Variants in PDXDC1 observed in about 807,000 individuals in gnomAD.
PDXDC1 encodes pyridoxal-dependent decarboxylase domain-containing protein 1.
A neutral mutation model predicts 100.1 loss-of-function variants in PDXDC1; 42 were observed. The observed-to-expected ratio is 0.42, with a 90% CI of 0.33 to 0.54. The LOEUF (loss-of-function observed/expected upper bound fraction) is 0.54. Ranked by LOEUF, PDXDC1 falls within the 20% of genes least tolerant of loss-of-function variation. The pLI, the probability that PDXDC1 is intolerant of heterozygous loss-of-function variation, is 0.10. For missense variants in PDXDC1, 636 were observed against 979.2 expected (o/e 0.65, Z 4.68); for synonymous variants, 260 against 371.7 (o/e 0.70, Z 3.46).
At chr16:15,104,553 T>C (rs2046711573) in intron 16 of PDXDC1, 8 of 1,596,714 alleles carry the variant, frequency 5.0e-6, no homozygotes, top group Non-Finnish European at 6.8e-6. Context: ...CGGAGGTGTC[T>C]TGAGATTATC....
intron 8 of PDXDC1, among the ~76,000 whole-genome samples, chr16:15,012,558 A>G (rs1466575047): frequency 6.6e-6 from 1 of 152,292 alleles, no homozygotes; most frequent in African/African-American, 2.4e-5. Flanking sequence ...TGTCTGTTAG[A>G]ATGGAGAAAT....
chr16:15,100,754 GA>G (rs1567244144), intron 16 of PDXDC1, among the ~76,000 whole-genome samples: 1 of 152,194 alleles, frequency 6.6e-6, no homozygotes. Flanking sequence ...TGAGGCAGGA[GA>G]ATTGCTTGAG....
At chr16:15,007,055 G>C (rs1420094127) in intron 6 of PDXDC1, among the ~76,000 whole-genome samples, 3 of 151,996 alleles carry the variant, frequency 2.0e-5, no homozygotes, top group Admixed American at 6.6e-5. Flanking sequence ...GTGCTGTTAA[G>C]GACTTCTCTG....
At chr16:14,988,254 T>C (rs1969877471) in intron 1 of PDXDC1, 2 of 1,613,738 alleles carry the variant, frequency 1.2e-6, no homozygotes, top group Non-Finnish European at 1.7e-6. Context: ...GGACTGTTAG[T>C]TCACTCAGAC....
chr16:15,053,660 C>A (rs1034281851), intron 16 of PDXDC1, among the ~76,000 whole-genome samples: 1 of 152,078 alleles, frequency 6.6e-6, no homozygotes, highest in East Asian at 1.9e-4. Flanking sequence ...CCGGTAATCC[C>A]AGCACTTTGG....
intron 19 of PDXDC1, chr16:15,033,983 C>T (rs2151649617): frequency 6.1e-6 from 3 of 495,730 alleles, no homozygotes; most frequent in East Asian, 3.4e-5. Context: ...GACATGCGGC[C>T]GAGAAGCCAG....
At chr16:15,018,992 A>T (rs1289379741) in intron 12 of PDXDC1, 27 bp downstream of exon 12, 4 of 1,596,598 alleles carry the variant, frequency 2.5e-6, no homozygotes, top group Admixed American at 1.8e-5. Flanking sequence ...CATTTAAATG[A>T]AAGACTCCTT....
intron 1 of PDXDC1, among the ~76,000 whole-genome samples, chr16:14,982,187 T>C (rs1249490392): frequency 6.6e-6 from 1 of 152,304 alleles, no homozygotes; most frequent in Non-Finnish European, 1.5e-5. Context: ...GCTAACCCTT[T>C]TCAACTAGGA....
At chr16:15,034,593 G>C in intron 21 of PDXDC1, 40 bp downstream of exon 21, 1 of 1,498,590 alleles carries the variant, frequency 6.7e-7, no homozygotes, top group Non-Finnish European at 9.3e-7. Flanking sequence ...TGCTGACCTT[G>C]GGAGGTTTCA....
chr16:15,106,435 T>C (rs1271171511), intron 16 of PDXDC1: 2 of 714,020 alleles, frequency 2.8e-6, no homozygotes, highest in Non-Finnish European at 4.7e-6. Context: ...TATCTCTACC[T>C]AGAAAACGTA....
intron 16 of PDXDC1, among the ~76,000 whole-genome samples, chr16:15,030,350 G>T (rs1341004029): frequency 1.3e-5 from 2 of 152,158 alleles, no homozygotes; most frequent in African/African-American, 4.8e-5. Flanking sequence ...TTCGAGACCA[G>T]CCTGGCCAAC....
chr16:15,064,903 A>G (rs1183947146), intron 16 of PDXDC1, among the ~76,000 whole-genome samples: 2 of 152,210 alleles, frequency 1.3e-5, no homozygotes, highest in Non-Finnish European at 2.9e-5. Context: ...GCGGTGGCTC[A>G]CGCCTGTAAT....
At chr16:14,985,752 T>G (rs1052488901) in intron 1 of PDXDC1, among the ~76,000 whole-genome samples, 3 of 152,292 alleles carry the variant, frequency 2.0e-5, no homozygotes, top group South Asian at 4.1e-4. Flanking sequence ...CTTCTGGTAG[T>G]GAGGGAGTAT....
At chr16:15,101,427 G>A (rs1025711319) in intron 16 of PDXDC1, among the ~76,000 whole-genome samples, 18 of 152,098 alleles carry the variant, frequency 1.2e-4, no homozygotes, top group African/African-American at 9.7e-5. Flanking sequence ...AATGATTGTC[G>A]TGCCTCAGCC....
chr16:15,101,615 G>C (rs1408603920), intron 16 of PDXDC1, among the ~76,000 whole-genome samples: 2 of 149,450 alleles, frequency 1.3e-5, no homozygotes, highest in East Asian at 2.0e-4. Context: ...GTAGTCCCAG[G>C]TACTCAAGAG....
intron 1 of PDXDC1, among the ~76,000 whole-genome samples, chr16:14,979,991 C>G (rs1176885336): frequency 1.3e-5 from 2 of 152,284 alleles, no homozygotes. Context: ...AAGCCAATTC[C>G]AATGTTACAA....
At chr16:15,127,861 A>T (rs745337802) in intron 16 of PDXDC1, 2 of 1,565,588 alleles carry the variant, frequency 1.3e-6, no homozygotes, top group Non-Finnish European at 1.7e-6. Flanking sequence ...CAGCTCAGCC[A>T]CCAGCAGGCG....
rs762687660 is a variant in PDXDC1, at chr16:15,038,026, G to A, written c.*1751G>A. 3 of 1,607,864 alleles carry A rather than the reference G, an allele frequency of 1.9e-6. No homozygotes were observed. The South Asian group carries it at 3.3e-5, about 18-fold the overall frequency. On this transcript the variant is annotated 3_prime_UTR_variant, in exon 23 of 23. Transcript: ENST00000396410. ...GAAGGTGCTTTCTTTGGTAATTCAT[G>A]TTTTTTAACTTCCTGGAGAAGAGAT...
chr16:14,990,173 C>G, intron 1 of PDXDC1: 2 of 1,335,226 alleles, frequency 1.5e-6, no homozygotes, highest in Non-Finnish European at 1.9e-6. Flanking sequence ...GGCCGCCAGG[C>G]GCGGGCAAGG....
Sources: allele counts gnomAD v4.1 joint callset (sites outside exome capture counted in the v4.1 genomes callset), GRCh38; gene constraint gnomAD v4.1.1; transcripts MANE v1.5; gene names NCBI Gene and HGNC (gene_info 2026-07-23, HGNC 2026-07-21).